The following EML4 variants were observed in gnomAD, a reference collection of about 807,000 sequenced individuals.
The protein encoded by EML4 is echinoderm microtubule-associated protein-like 4.
Under a neutral mutation model 129.0 loss-of-function variants are expected in EML4, and 72 were observed. The ratio of observed to expected loss-of-function variants is 0.56; its 90% CI spans 0.46 to 0.68. The LOEUF (loss-of-function observed/expected upper bound fraction) is 0.68, where lower values mean the gene tolerates loss of function less well. Among genes scored for constraint, EML4 ranks in the 30% least tolerant of loss-of-function variants. The pLI, the probability that EML4 is intolerant of heterozygous loss-of-function variation, is 0.00. For missense variants in EML4, 1,363 were observed against 1,190.6 expected, an observed-to-expected ratio of 1.14 and a Z score of -2.13; for synonymous variants, 532 against 405.0, an observed-to-expected ratio of 1.31 and a Z score of -3.77.
At chr2:42,178,141 G>A (rs1670715727) in intron 1 of EML4, among the ~76,000 whole-genome samples, 2 of 152,186 alleles carry the variant, frequency 1.3e-5, no homozygotes, top group South Asian at 4.1e-4. Context: ...ATATTTATTA[G>A]TTGTAGAATC....
chr2:42,247,662 G>GCTTGATTT (rs1553375550), intron 2 of EML4, among the ~76,000 whole-genome samples: 1 of 151,822 alleles, frequency 6.6e-6, no homozygotes, highest in African/African-American at 2.4e-5. Flanking sequence ...TTGCTTGCTT[G>GCTTGATTT]ATTTATTTAT....
chr2:42,314,079 C>T (rs898290113), intron 17 of EML4, among the ~76,000 whole-genome samples: 1 of 152,092 alleles, frequency 6.6e-6, no homozygotes, highest in African/African-American at 2.4e-5. Context: ...TAAAAACTTG[C>T]CGGGCATGGT....
At chr2:42,325,596 TTATATTTA>T (rs758419919) in intron 20 of EML4, 42 bp downstream of exon 20, 2,560 of 150,800 alleles carry the variant, frequency 0.017, 178 homozygotes, top group Admixed American at 0.027. Flanking sequence ...TATGCTATGA[TTATATTTA>T]TATATATATA....
At chr2:42,303,974 G>C (rs1001924515) in intron 16 of EML4, among the ~76,000 whole-genome samples, 2 of 152,130 alleles carry the variant, frequency 1.3e-5, no homozygotes, top group South Asian at 4.1e-4. Context: ...AGCTCAATTT[G>C]TCCATCAGCT....
chr2:42,314,355 G>A (rs1306461377), intron 17 of EML4, among the ~76,000 whole-genome samples: 2 of 151,368 alleles, frequency 1.3e-5, no homozygotes, highest in South Asian at 2.1e-4. Context: ...GCAAGCTTCC[G>A]TCTAAAAAAA....
intron 6 of EML4, among the ~76,000 whole-genome samples, chr2:42,272,662 A>G (rs2104430188): frequency 6.6e-6 from 1 of 152,338 alleles, no homozygotes; most frequent in Admixed American, 6.5e-5. Context: ...TTTCTGGTTA[A>G]TTACATTTTC....
chr2:42,183,358 T>C (rs1671057478), intron 1 of EML4, among the ~76,000 whole-genome samples: 1 of 152,216 alleles, frequency 6.6e-6, no homozygotes, highest in Non-Finnish European at 1.5e-5. Context: ...GTCAGTGGCT[T>C]CTGTGTAAAC....
intron 17 of EML4, among the ~76,000 whole-genome samples, chr2:42,309,376 C>T (rs1281477846): frequency 3.3e-5 from 5 of 150,666 alleles, no homozygotes; most frequent in Admixed American, 2.6e-4. Flanking sequence ...GGCACCACTG[C>T]ACTCCAGCCT....
intron 1 of EML4, among the ~76,000 whole-genome samples, chr2:42,221,252 A>G (rs903831363): frequency 1.3e-5 from 2 of 152,118 alleles, no homozygotes; most frequent in Non-Finnish European, 2.9e-5. Context: ...TTGAGGGGGT[A>G]TTGTAGCTGA....
At chr2:42,253,899 A>T (rs531688207) in intron 2 of EML4, among the ~76,000 whole-genome samples, 1 of 152,372 alleles carries the variant, frequency 6.6e-6, no homozygotes, top group South Asian at 2.1e-4. Flanking sequence ...AAGCTATAAG[A>T]GAAAAATCAA....
intron 22 of EML4, 28 bp downstream of exon 22, chr2:42,329,044 T>C (rs980689554): frequency 6.3e-7 from 1 of 1,597,358 alleles, no homozygotes; most frequent in African/African-American, 1.3e-5. Flanking sequence ...GAAACTAATG[T>C]TATAAGGCCT....
At chr2:42,301,917 A>G (rs536538589) in intron 14 of EML4, among the ~76,000 whole-genome samples, 8 of 152,268 alleles carry the variant, frequency 5.3e-5, no homozygotes, top group African/African-American at 1.4e-4. Flanking sequence ...TAAAAGCTAT[A>G]CAATCTAGTT....
intron 6 of EML4, among the ~76,000 whole-genome samples, chr2:42,278,363 C>A (rs558954034): frequency 2.0e-5 from 3 of 151,906 alleles, no homozygotes; most frequent in Non-Finnish European, 4.4e-5. Context: ...CACTTGAAGT[C>A]GGAAGTTTGA....
At chr2:42,263,095 CTGCTTTTGTGTTCTGT>C in intron 4 of EML4, 67 bp from the exon 5 acceptor site, 1 of 1,160,146 alleles carries the variant, frequency 8.6e-7, no homozygotes, top group South Asian at 1.4e-5. Flanking sequence ...ATGTTAATTG[CTGCTTTTGTGTTCTGT>C]TTAAATTGTC....
chr2:42,178,222 C>G (rs1366144127), intron 1 of EML4, among the ~76,000 whole-genome samples: 2 of 152,064 alleles, frequency 1.3e-5, no homozygotes, highest in African/African-American at 4.8e-5. Context: ...GGTATGTTTA[C>G]CTTGCAAATC....
Position 42,219,655 on chromosome 2 carries a change from C to A in EML4, c.26-25850C>A, listed in dbSNP as rs1344760420. On this transcript the variant is annotated intron_variant, in intron 1 of 22. Transcript: ENST00000318522. ...CTTTCTGGCTGGGTGCAGTGGCTCA[C>A]GCCTGTAATCCCAGGATTTTGGGAG... 5.9e-5 allele frequency among the ~76,000 whole-genome samples: 9 copies of A among 152,200 alleles called. No homozygotes were observed. In the East Asian group the frequency reaches 1.7e-3, roughly 29 times the overall value.
At chr2:42,256,026 T>C (rs1417079279) in intron 2 of EML4, among the ~76,000 whole-genome samples, 1 of 152,254 alleles carries the variant, frequency 6.6e-6, no homozygotes, top group Non-Finnish European at 1.5e-5. Context: ...TCCTTGTATA[T>C]GTACTGTGTA....
Position 42,331,901 on chromosome 2 carries a change from G to T in EML4, c.*1694G>T, listed in dbSNP as rs1670121005. 1 of 158,042 alleles carries T rather than the reference G, an allele frequency of 6.3e-6. No homozygotes were observed. Among genetic ancestry groups the T allele is most frequent in the Non-Finnish European group, 1.2e-5 (1 of 81,786 alleles). The allele number at this position is 158,042 out of a possible 1,614,324, so 9.8% of individuals were successfully genotyped here. The stretch of plus-strand genomic sequence containing the variant: ...TCAGTGTAGATCTCTATGTGTATAG[G>T]TATCTGTATATCTTTCCTTTTGTTT... On this transcript the variant is annotated 3_prime_UTR_variant, in exon 23 of 23. Coordinates refer to ENST00000318522, the MANE Select transcript of EML4 (RefSeq NM_019063.5).
rs1673030250 is a variant in EML4, at chr2:42,214,015, A to G, written c.26-31490A>G. Among the ~76,000 whole-genome samples the G allele has an allele frequency of 2.0e-5, 3 of 152,240 alleles. No individual in the cohort carries two copies. The South Asian group carries it at 6.2e-4, about 31-fold the overall frequency. On this transcript the variant is annotated intron_variant, in intron 1 of 22. Transcript: ENST00000318522. The stretch of plus-strand genomic sequence containing the variant: ...CTTTGTCTTATTGTGTATATCAAAT[A>G]TTATGGTAAACGGTGGGTAACACAT...
Sources: gnomAD v4.1 joint callset for allele counts (sites outside exome capture counted in the v4.1 genomes callset) on GRCh38, gnomAD v4.1.1 for gene constraint, MANE v1.5 for transcripts, NCBI Gene and HGNC (gene_info 2026-07-23, HGNC 2026-07-21) for gene names.